Variants in ARV1 observed in about 807,000 individuals in gnomAD.
ARV1 encodes protein ARV1.
In ARV1, 26 loss-of-function variants were observed where a neutral mutation model predicts 31.1. The observed-to-expected ratio is 0.84, with a 90% CI of 0.61 to 1.16. The LOEUF is 1.16. ARV1 is among the 50% of genes most tolerant of loss of function. The pLI is 0.00. For synonymous variants in ARV1, 117 were observed against 123.2 expected, an observed-to-expected ratio of 0.95 and a Z score of 0.34; for missense variants, 281 against 324.9, an observed-to-expected ratio of 0.86 and a Z score of 1.04.
intron 1 of ARV1, 156 bp downstream of exon 1, chr1:230,979,435 G>A (rs1450451565): frequency 8.3e-6 from 7 of 845,756 alleles, no homozygotes; most frequent in Non-Finnish European, 1.2e-5. Flanking sequence ...AGAGAACTCA[G>A]CTACCCGACA....
At chr1:230,998,732 C>T (rs1040916477) in intron 5 of ARV1, among the ~76,000 whole-genome samples, 1 of 151,192 alleles carries the variant, frequency 6.6e-6, no homozygotes, top group African/African-American at 2.4e-5. Flanking sequence ...ATAGTGAGAC[C>T]CCATCTTTAC....
At chr1:230,994,105 T>C (rs73110130) in intron 3 of ARV1, among the ~76,000 whole-genome samples, 5,458 of 152,316 alleles carry the variant, frequency 0.036, 259 homozygotes, top group African/African-American at 0.11. Flanking sequence ...CCCGACCCCC[T>C]TCAGTGTTTT....
intron 4 of ARV1, 50 bp downstream of exon 4, chr1:230,996,034 C>T: frequency 6.6e-7 from 1 of 1,506,280 alleles, no homozygotes; most frequent in Non-Finnish European, 9.1e-7. Context: ...CCATAAAAAG[C>T]TTAAAGCCTT....
At chr1:230,988,222 GCTAT>G (rs1315457291) in intron 1 of ARV1, 94 bp from the exon 2 acceptor site, 20 of 1,025,418 alleles carry the variant, frequency 2.0e-5, no homozygotes, top group Non-Finnish European at 2.9e-5. Flanking sequence ...TGGCCATATT[GCTAT>G]CTGTGTCCAA....
At chr1:230,997,571 G>A (rs753178073) in intron 5 of ARV1, among the ~76,000 whole-genome samples, 15 of 151,978 alleles carry the variant, frequency 9.9e-5, no homozygotes, top group Non-Finnish European at 2.2e-4. Context: ...CTCTAAAACT[G>A]TCTCCTACCC....
intron 1 of ARV1, among the ~76,000 whole-genome samples, chr1:230,983,933 A>G (rs1034239460): frequency 1.3e-5 from 2 of 152,368 alleles, no homozygotes; most frequent in African/African-American, 4.8e-5. Flanking sequence ...TAAGAAACAT[A>G]GGAAACATAG....
chr1:230,989,799 T>A (rs1451408105), intron 2 of ARV1, among the ~76,000 whole-genome samples: 1 of 152,206 alleles, frequency 6.6e-6, no homozygotes, highest in Non-Finnish European at 1.5e-5. Context: ...GCAGTGATTC[T>A]TAACTAGGGG....
At chr1:230,995,574 G>T (rs966361575) in intron 3 of ARV1, among the ~76,000 whole-genome samples, 186 bp from the exon 4 acceptor site, 2 of 138,170 alleles carry the variant, frequency 1.4e-5, no homozygotes, top group Non-Finnish European at 3.1e-5. Context: ...AAAAGCCAGG[G>T]GTTTATTTAA....
chr1:230,982,290 G>C (rs957902329), intron 1 of ARV1, among the ~76,000 whole-genome samples: 1 of 152,174 alleles, frequency 6.6e-6, no homozygotes, highest in Admixed American at 6.5e-5. Flanking sequence ...CTTTTGGACT[G>C]GTCCAATTAA....
intron 1 of ARV1, among the ~76,000 whole-genome samples, chr1:230,983,593 GATGA>G (rs71806240): frequency 0.093 from 14,160 of 152,010 alleles, 665 homozygotes; most frequent in South Asian, 0.17. Context: ...TAGATGCAAA[GATGA>G]ATAAGACACA....
rs1206266282 is a variant in ARV1, at chr1:230,979,203, G to T, written c.98G>T (p.Arg33Met). Residue 33 changes from arginine to methionine, a missense_variant, in exon 1 of 6, where the codon AGG becomes ATG. Physicochemically the swap from Arg to Met is moderately conservative, Grantham distance 91. Transcript: ENST00000310256. ...PTAASASCQY[R>M]CIECNQEAKE... is the part of the protein sequence containing the mutation. The stretch of plus-strand genomic sequence containing the variant: ...GCTGCCTCGGCCTCCTGCCAGTACA[G>T]GTGCATCGAATGCAACCAGGAGGCC... The T allele has an allele frequency of 2.5e-6, 4 of 1,613,572 alleles. No individual in the cohort carries two copies. The highest frequency in any genetic ancestry group is 3.4e-6 in the Non-Finnish European group (4 of 1,179,824).
At position 230,998,383 on chromosome 1, in the gene ARV1, C is replaced by T. The variant is rs145502433; in HGVS notation, c.*4+1116C>T. Among the ~76,000 whole-genome samples, 20 of 152,334 alleles carry T rather than the reference C, an allele frequency of 1.3e-4. 1 individual carries two copies. Among genetic ancestry groups the T allele is most frequent in the African/African-American group, 4.3e-4 (18 of 41,576 alleles). On this transcript the variant is annotated intron_variant, in intron 5 of 5. Coordinates refer to ENST00000310256, the MANE Select transcript of ARV1 (RefSeq NM_022786.3). Reference sequence around the variant, plus strand: ...TCTCCTAACATGCCATCCTCCACTCCTGTTGCCTCAATCTCTCTTCATGCC... The same window carrying T: ...TCTCCTAACATGCCATCCTCCACTCTTGTTGCCTCAATCTCTCTTCATGCC...
At chr1:230,986,668 ATTTTTTTTTTTTTTTTTTTTTTTTTT>A (rs1162209283) in intron 1 of ARV1, among the ~76,000 whole-genome samples, 8 of 62,292 alleles carry the variant, frequency 1.3e-4, no homozygotes, top group African/African-American at 3.9e-4. Flanking sequence ...TACTTTTCCT[ATTTTTTTTTTTTTTTTTTTTTTTTTT>A]TTTTTTTTTT....
intron 5 of ARV1, among the ~76,000 whole-genome samples, chr1:230,998,206 G>A (rs1324223095): frequency 6.6e-6 from 1 of 152,154 alleles, no homozygotes; most frequent in Non-Finnish European, 1.5e-5. Context: ...AGGACCTTAG[G>A]CAGGATCCTG....
At chr1:230,999,929 T>C (rs995514412) in intron 5 of ARV1, 2 of 152,202 alleles carry the variant, frequency 1.3e-5, no homozygotes, top group African/African-American at 2.4e-5. Context: ...TTTTTTATTA[T>C]CTCATGTTTT....
Position 230,979,102 on chromosome 1 carries a change from G to A in ARV1, c.-4G>A. The A allele has an allele frequency of 6.2e-7, 1 of 1,607,776 alleles. No individual in the cohort carries two copies. The highest frequency in any genetic ancestry group is 8.5e-7 in the Non-Finnish European group (1 of 1,177,622). The stretch of plus-strand genomic sequence containing the variant: ...CGGAAGTTCTGGACTGCAGTTGAGT[G>A]GAAATGGGCAACGGCGGGCGGAGCG... On this transcript the variant is annotated 5_prime_UTR_variant, in exon 1 of 6. Coordinates refer to ENST00000310256, the MANE Select transcript of ARV1 (RefSeq NM_022786.3).
chr1:230,980,752 ACTT>A (rs1288518744), intron 1 of ARV1, among the ~76,000 whole-genome samples: 2 of 140,016 alleles, frequency 1.4e-5, no homozygotes, highest in Non-Finnish European at 3.1e-5. Flanking sequence ...GCATACTGTT[ACTT>A]CTTCCATCAA....
intron 1 of ARV1, among the ~76,000 whole-genome samples, chr1:230,980,677 A>G (rs1678871486): frequency 6.6e-6 from 1 of 151,660 alleles, no homozygotes; most frequent in Admixed American, 6.6e-5. Flanking sequence ...ACCCAATACT[A>G]GCATTTGTTA....
At position 230,979,125 on chromosome 1, in the gene ARV1, G is replaced by A. The variant is rs1229763019; in HGVS notation, c.20G>A (p.Ser7Asn). ...GTGGAAATGGGCAACGGCGGGCGGA[G>A]CGGCCTGCAGCAGGGGAAGGGGAAC... MGNGGR[S>N]GLQQGKGNVD... is the part of the protein sequence containing the mutation. Residue 7 changes from serine to asparagine, a missense_variant, in exon 1 of 6, where the codon AGC becomes AAC. Ser to Asn is a conservative substitution (Grantham distance 46). Transcript: ENST00000310256. 6.2e-7 allele frequency: 1 copy of A among 1,601,680 alleles called. No homozygotes were observed. The highest frequency in any genetic ancestry group is 1.7e-5 in the Admixed American group (1 of 58,918).
Sources: gnomAD v4.1 joint callset for allele counts (sites outside exome capture counted in the v4.1 genomes callset) on GRCh38, gnomAD v4.1.1 for gene constraint, MANE v1.5 for transcripts, NCBI Gene and HGNC (gene_info 2026-07-23, HGNC 2026-07-21) for gene names.